KIFAP3: variants seen among roughly 807,000 people sequenced by gnomAD.
KIFAP3 encodes the protein kinesin associated protein 3.
A neutral mutation model predicts 106.5 loss-of-function variants in KIFAP3; 68 were observed. That is an observed-to-expected ratio of 0.64 (90% CI 0.53 to 0.78). The LOEUF is 0.78. Ranked by LOEUF, KIFAP3 falls within the 30% of genes least tolerant of loss-of-function variation. The pLI, the probability that KIFAP3 is intolerant of heterozygous loss-of-function variation, is 0.00. For missense variants in KIFAP3, 780 were observed against 941.8 expected (o/e 0.83, Z 2.25); for synonymous variants, 320 against 311.5 (o/e 1.03, Z -0.29).
At chr1:170,036,226 C>A (rs1669686413) in intron 5 of KIFAP3, among the ~76,000 whole-genome samples, 2 of 151,982 alleles carry the variant, frequency 1.3e-5, no homozygotes, top group Admixed American at 6.6e-5. Flanking sequence ...ACATGGCATA[C>A]TAATTCTTAA....
chr1:169,997,242 T>C (rs1667410104), intron 10 of KIFAP3, among the ~76,000 whole-genome samples: 1 of 152,210 alleles, frequency 6.6e-6, no homozygotes, highest in Admixed American at 6.5e-5. Context: ...TGTACCTACC[T>C]GAAAAGGTTG....
chr1:170,028,101 A>G (rs1446744281), intron 8 of KIFAP3, among the ~76,000 whole-genome samples: 1 of 152,136 alleles, frequency 6.6e-6, no homozygotes, highest in Non-Finnish European at 1.5e-5. Flanking sequence ...ACTTTTTTAG[A>G]CACACAAAAG....
At chr1:170,019,979 A>G (rs1037504673) in intron 9 of KIFAP3, among the ~76,000 whole-genome samples, 1 of 152,256 alleles carries the variant, frequency 6.6e-6, no homozygotes, top group African/African-American at 2.4e-5. Context: ...GTGTGTTTAG[A>G]AAGTCACAGG....
At chr1:170,058,334 G>T (rs1478522993) in intron 1 of KIFAP3, among the ~76,000 whole-genome samples, 1 of 152,054 alleles carries the variant, frequency 6.6e-6, no homozygotes, top group Non-Finnish European at 1.5e-5. Flanking sequence ...GTAGATTTAC[G>T]CCATAGAGCA....
At chr1:170,057,289 T>C (rs564639610) in intron 1 of KIFAP3, among the ~76,000 whole-genome samples, 65 of 152,216 alleles carry the variant, frequency 4.3e-4, no homozygotes, top group South Asian at 1.5e-3. Context: ...TGTTGTCTCA[T>C]ATCTTGCCTT....
At chr1:170,016,246 G>A (rs1327603682) in intron 10 of KIFAP3, among the ~76,000 whole-genome samples, 2 of 151,984 alleles carry the variant, frequency 1.3e-5, no homozygotes, top group African/African-American at 4.8e-5. Context: ...TGAAGTCAAA[G>A]GGTTAAAAGT....
intron 19 of KIFAP3, chr1:169,923,018 T>G: frequency 1.2e-6 from 1 of 836,980 alleles, no homozygotes; most frequent in Non-Finnish European, 1.4e-6. Context: ...TGTATTAAGA[T>G]GGAACTAAAG....
chr1:170,072,670 T>G (rs1248918300), intron 1 of KIFAP3, among the ~76,000 whole-genome samples: 2 of 152,166 alleles, frequency 1.3e-5, no homozygotes, highest in Non-Finnish European at 2.9e-5. Context: ...GCTGTCTTGT[T>G]AAAAACAAAA....
At chr1:170,074,344 C>A in intron 1 of KIFAP3, 92 bp downstream of exon 1, 1 of 1,456,304 alleles carries the variant, frequency 6.9e-7, no homozygotes, top group Non-Finnish European at 9.5e-7. Context: ...GTCTGCTAAA[C>A]TAGCGTTGCC....
Position 169,992,193 on chromosome 1 carries a change from A to C in KIFAP3, c.1246T>G (p.Phe416Val), listed in dbSNP as rs1384146834. ...VLYHISMDDR[F>V]KSMFAYTDCI... Reference sequence around the variant, plus strand: ...TCAGTGTATGCAAACATTGATTTAAAGCGGTCATCCATGCTTATGTGGTAA... The same window carrying C: ...TCAGTGTATGCAAACATTGATTTAACGCGGTCATCCATGCTTATGTGGTAA... The change falls in exon 11 of 20, where the codon TTT (phenylalanine) becomes GTT (valine). Residue 416 changes from phenylalanine (F) to valine (V), a missense_variant. Physicochemically the swap from Phe to Val is conservative, Grantham distance 50. Coordinates refer to ENST00000361580, the MANE Select transcript of KIFAP3 (RefSeq NM_014970.4). 1 of 1,585,152 alleles carries C rather than the reference A, an allele frequency of 6.3e-7. No individual in the cohort carries two copies. The highest frequency in any genetic ancestry group is 1.8e-5 in the Admixed American group (1 of 55,818).
At chr1:170,072,287 G>A (rs904838766) in intron 1 of KIFAP3, among the ~76,000 whole-genome samples, 5 of 152,088 alleles carry the variant, frequency 3.3e-5, no homozygotes, top group African/African-American at 1.2e-4. Context: ...GCTGAGTGCT[G>A]GGAATACAAT....
At chr1:170,004,060 C>T (rs555330052) in intron 10 of KIFAP3, among the ~76,000 whole-genome samples, 461 of 152,220 alleles carry the variant, frequency 3.0e-3, no homozygotes, top group Middle Eastern at 0.014. Flanking sequence ...TTCTTATACA[C>T]CAATAACAGA....
intron 17 of KIFAP3, among the ~76,000 whole-genome samples, chr1:169,961,838 T>C (rs570050014): frequency 6.6e-6 from 1 of 152,228 alleles, no homozygotes; most frequent in Non-Finnish European, 1.5e-5. Flanking sequence ...ATATAATACA[T>C]ATACAAAATA....
intron 1 of KIFAP3, among the ~76,000 whole-genome samples, chr1:170,064,105 G>GC (rs1353986751): frequency 6.6e-6 from 1 of 152,148 alleles, no homozygotes; most frequent in African/African-American, 2.4e-5. Context: ...GTTACATCCA[G>GC]CAACTGTTGC....
intron 19 of KIFAP3, among the ~76,000 whole-genome samples, chr1:169,949,632 C>G (rs1234415689): frequency 6.6e-6 from 1 of 152,054 alleles, no homozygotes; most frequent in Non-Finnish European, 1.5e-5. Flanking sequence ...ACATGGTATA[C>G]ATAACTGGAA....
intron 17 of KIFAP3, among the ~76,000 whole-genome samples, chr1:169,962,073 T>TG (rs1056806529): frequency 6.6e-6 from 1 of 152,146 alleles, no homozygotes; most frequent in Non-Finnish European, 1.5e-5. Context: ...TAGATAACAC[T>TG]GGGGGAAGTA....
chr1:169,928,699 CAAAAA>C lies in KIFAP3; in HGVS notation c.2274-6923_2274-6919del, dbSNP rs10690029. Among the ~76,000 whole-genome samples, 293 of 37,792 alleles carry C rather than the reference CAAAAA, an allele frequency of 7.8e-3. 6 individuals carry two copies. Among genetic ancestry groups the C allele is most frequent in the African/African-American group, 0.039 (282 of 7,246 alleles). 24.8% of individuals were successfully genotyped at this position (37,792 alleles called of 152,430 possible). On this transcript the variant is annotated intron_variant, in intron 19 of 19. Coordinates refer to ENST00000361580, the MANE Select transcript of KIFAP3 (RefSeq NM_014970.4). ...AACAGAGTGAGTGAGACCCTGTCTC[CAAAAA>C]AAAAAAAAAAAAAAAAATTAAAGTT...
intron 10 of KIFAP3, among the ~76,000 whole-genome samples, chr1:169,997,782 A>C (rs1418483703): frequency 6.6e-6 from 1 of 151,392 alleles, no homozygotes; most frequent in African/African-American, 2.4e-5. Context: ...AGATGTGAGA[A>C]TCACTTGAAT....
At chr1:169,972,772 GA>G (rs1334958176) in intron 16 of KIFAP3, among the ~76,000 whole-genome samples, 174 bp from the exon 17 acceptor site, 1 of 151,476 alleles carries the variant, frequency 6.6e-6, no homozygotes, top group African/African-American at 2.4e-5. Flanking sequence ...CATTTGTTTA[GA>G]AAAACAGGGA....
Sources: gnomAD v4.1 joint callset for allele counts (sites outside exome capture counted in the v4.1 genomes callset) on GRCh38, gnomAD v4.1.1 for gene constraint, MANE v1.5 for transcripts, NCBI Gene and HGNC (gene_info 2026-07-23, HGNC 2026-07-21) for gene names.